The following MOB3B variants were observed in gnomAD, a reference collection of about 807,000 sequenced individuals.
MOB3B encodes MOB kinase activator-like 2B.
Under a neutral mutation model 18.7 loss-of-function variants are expected in MOB3B, and 7 were observed. The observed-to-expected ratio is 0.37, with a 90% CI of 0.21 to 0.70. The LOEUF (loss-of-function observed/expected upper bound fraction) is 0.70, where lower values mean the gene tolerates loss of function less well. Ranked by LOEUF, MOB3B falls within the 30% of genes least tolerant of loss-of-function variation. MOB3B has a pLI of 0.52. For missense variants in MOB3B, 253 were observed against 281.3 expected, an observed-to-expected ratio of 0.90 and a Z score of 0.72; for synonymous variants, 111 against 99.9, an observed-to-expected ratio of 1.11 and a Z score of -0.66.
chr9:27,503,102 C>T (rs1820012336), intron 1 of MOB3B, among the ~76,000 whole-genome samples: 1 of 152,094 alleles, frequency 6.6e-6, no homozygotes, highest in Non-Finnish European at 1.5e-5. Flanking sequence ...GGACTTCAGG[C>T]ATCTAATTCT....
At chr9:27,476,437 A>G (rs1159622124) in intron 1 of MOB3B, among the ~76,000 whole-genome samples, 3 of 152,108 alleles carry the variant, frequency 2.0e-5, no homozygotes, top group South Asian at 2.1e-4. Context: ...TTCACAAGTT[A>G]TCCTTCCTGT....
chr9:27,367,382 G>A (rs997552636), intron 2 of MOB3B, among the ~76,000 whole-genome samples: 1 of 152,214 alleles, frequency 6.6e-6, no homozygotes, highest in Non-Finnish European at 1.5e-5. Context: ...CTTGTTAGAA[G>A]ACAAGGTGGA....
At chr9:27,355,645 T>C (rs968173491) in intron 3 of MOB3B, among the ~76,000 whole-genome samples, 3 of 151,416 alleles carry the variant, frequency 2.0e-5, no homozygotes, top group Non-Finnish European at 4.4e-5. Flanking sequence ...CTGCAAGCTC[T>C]GCCTCCCGGG....
chr9:27,409,557 A>C (rs1379007590), intron 2 of MOB3B, among the ~76,000 whole-genome samples: 1 of 152,202 alleles, frequency 6.6e-6, no homozygotes. Flanking sequence ...GAATTATCAT[A>C]TGCTCCGGCA....
At chr9:27,401,976 C>A (rs933819546) in intron 2 of MOB3B, among the ~76,000 whole-genome samples, 2 of 152,148 alleles carry the variant, frequency 1.3e-5, no homozygotes, top group Non-Finnish European at 2.9e-5. Flanking sequence ...ATATTTCTGT[C>A]CTGTAGAGAA....
At chr9:27,396,378 G>A (rs529306424) in intron 2 of MOB3B, among the ~76,000 whole-genome samples, 19 of 152,140 alleles carry the variant, frequency 1.2e-4, no homozygotes, top group African/African-American at 4.3e-4. Flanking sequence ...TTTGCCAATC[G>A]GTTATCCCCA....
intron 2 of MOB3B, among the ~76,000 whole-genome samples, chr9:27,383,467 T>A (rs1821607372): frequency 1.3e-5 from 2 of 152,174 alleles, no homozygotes; most frequent in South Asian, 4.1e-4. Context: ...CAGGCTCAAA[T>A]GATTCTAGAC....
chr9:27,472,432 G>A (rs926252695), intron 1 of MOB3B, among the ~76,000 whole-genome samples: 1 of 151,822 alleles, frequency 6.6e-6, no homozygotes, highest in East Asian at 1.9e-4. Context: ...TTTATTTTTG[G>A]TCCAAGCTGA....
intron 1 of MOB3B, among the ~76,000 whole-genome samples, chr9:27,522,206 C>A (rs1293653710): frequency 3.2e-5 from 4 of 123,164 alleles, no homozygotes; most frequent in Non-Finnish European, 6.3e-5. Flanking sequence ...CGCGCCACTG[C>A]ACTCCAGCCT....
At chr9:27,382,246 C>A (rs7862893) in intron 2 of MOB3B, among the ~76,000 whole-genome samples, 48,932 of 151,920 alleles carry the variant, frequency 0.32, 8,105 homozygotes, top group South Asian at 0.35. Context: ...GTGATGAGTA[C>A]TGAAAAAAGC....
At chr9:27,522,419 TCATA>T (rs749658155) in intron 1 of MOB3B, among the ~76,000 whole-genome samples, 3 of 51,754 alleles carry the variant, frequency 5.8e-5, no homozygotes, top group Non-Finnish European at 4.9e-5. Flanking sequence ...AGACATTTTT[TCATA>T]TATATATATA....
chr9:27,472,995 A>G (rs539464155), intron 1 of MOB3B, among the ~76,000 whole-genome samples: 20 of 152,350 alleles, frequency 1.3e-4, no homozygotes, highest in African/African-American at 4.8e-4. Context: ...ACCATTTGCA[A>G]ACATTTATGT....
chr9:27,529,237 G>C (rs1820491677), intron 1 of MOB3B, among the ~76,000 whole-genome samples: 1 of 151,976 alleles, frequency 6.6e-6, no homozygotes, highest in Admixed American at 6.6e-5. Context: ...CCCGAAAGAA[G>C]GACGATCTTA....
chr9:27,353,845 G>A (rs1821145305), intron 3 of MOB3B, among the ~76,000 whole-genome samples: 1 of 152,208 alleles, frequency 6.6e-6, no homozygotes, highest in Non-Finnish European at 1.5e-5. Context: ...GCTTAATTGT[G>A]TCAGCTGACT....
At chr9:27,518,679 A>G (rs1820276963) in intron 1 of MOB3B, among the ~76,000 whole-genome samples, 1 of 152,232 alleles carries the variant, frequency 6.6e-6, no homozygotes, top group African/African-American at 2.4e-5. Context: ...ACTGGATATT[A>G]GTTTGTCCAA....
intron 1 of MOB3B, among the ~76,000 whole-genome samples, chr9:27,485,523 CT>C (rs1211238396): frequency 6.6e-6 from 1 of 152,234 alleles, no homozygotes; most frequent in African/African-American, 2.4e-5. Context: ...GATTCTGTCT[CT>C]GGAATGTCTC....
chr9:27,494,729 G>T (rs550894293), intron 1 of MOB3B, among the ~76,000 whole-genome samples: 12 of 152,094 alleles, frequency 7.9e-5, no homozygotes, highest in African/African-American at 2.9e-4. Flanking sequence ...TGGCCAGGCT[G>T]GTCTCGAACT....
At chr9:27,524,232 A>T in intron 1 of MOB3B, 1 of 1,224,468 alleles carries the variant, frequency 8.2e-7, no homozygotes, top group Non-Finnish European at 1.1e-6. Flanking sequence ...CGAATGAGAA[A>T]ACTCCTCCTG....
chr9:27,474,477 A>C (rs1819522672), intron 1 of MOB3B, among the ~76,000 whole-genome samples: 1 of 152,198 alleles, frequency 6.6e-6, no homozygotes, highest in Non-Finnish European at 1.5e-5. Context: ...AACCTTACCC[A>C]TGTCAGCACA....
Sources: allele counts gnomAD v4.1 joint callset (sites outside exome capture counted in the v4.1 genomes callset), GRCh38; gene constraint gnomAD v4.1.1; transcripts MANE v1.5; gene names NCBI Gene and HGNC (gene_info 2026-07-23, HGNC 2026-07-21).